Variants in NELL1 observed in about 807,000 individuals in gnomAD.
NELL1 encodes the protein protein kinase C-binding protein NELL1.
NELL1 carries 76 observed loss-of-function variants against 107.4 expected under a neutral mutation model. The ratio of observed to expected loss-of-function variants is 0.71; its 90% CI spans 0.59 to 0.86. NELL1 has a LOEUF of 0.86. Ranked by LOEUF, NELL1 falls within the 40% of genes least tolerant of loss-of-function variation. NELL1 has a pLI of 0.00. For missense variants in NELL1, 1,024 were observed against 1,005.5 expected, an observed-to-expected ratio of 1.02 and a Z score of -0.25; for synonymous variants, 353 against 341.2, an observed-to-expected ratio of 1.03 and a Z score of -0.38.
At chr11:20,779,737 C>T (rs1444081378) in intron 2 of NELL1, among the ~76,000 whole-genome samples, 1 of 152,200 alleles carries the variant, frequency 6.6e-6, no homozygotes, top group Non-Finnish European at 1.5e-5. Context: ...AATTTGCTCT[C>T]AGTGCTCTCT....
chr11:20,848,294 A>G (rs1380613363), intron 4 of NELL1, among the ~76,000 whole-genome samples: 1 of 152,240 alleles, frequency 6.6e-6, no homozygotes, highest in South Asian at 2.1e-4. Flanking sequence ...CAGAGGAATG[A>G]GCCTTCCAGC....
At chr11:21,478,844 A>AG (rs1380665731) in intron 15 of NELL1, among the ~76,000 whole-genome samples, 1 of 151,666 alleles carries the variant, frequency 6.6e-6, no homozygotes, top group African/African-American at 2.4e-5. Flanking sequence ...CCTATAAGAA[A>AG]AAAAAAAACT....
At chr11:21,489,950 A>C (rs902883605) in intron 15 of NELL1, among the ~76,000 whole-genome samples, 1 of 152,052 alleles carries the variant, frequency 6.6e-6, no homozygotes, top group Non-Finnish European at 1.5e-5. Flanking sequence ...CCTCAGCAAA[A>C]CAATCAGACA....
chr11:20,825,397 T>A (rs431711), intron 3 of NELL1, among the ~76,000 whole-genome samples: 134,652 of 151,020 alleles, frequency 0.89, 60,600 homozygotes, highest in East Asian at 0.95. Context: ...ACTCAATGCC[T>A]GCCCATTAAA....
At position 20,726,081 on chromosome 11, in the gene NELL1, C is replaced by CT. The variant is rs201848955; in HGVS notation, c.184+48027dup. Among the ~76,000 whole-genome samples the CT allele has an allele frequency of 8.3e-3, 1,269 of 152,274 alleles. 14 individuals carry two copies. Among genetic ancestry groups the CT allele is most frequent in the African/African-American group, 0.028 (1,183 of 41,546 alleles). Reference sequence around the variant, plus strand: ...TTGCTGCAAAGGACATGATTTCGGTCTTTTTTATGACTGCATAATATTCCA... The same window carrying CT: ...TTGCTGCAAAGGACATGATTTCGGTCTTTTTTTATGACTGCATAATATTCCA... On this transcript the variant is annotated intron_variant, in intron 2 of 19. Coordinates refer to ENST00000357134, the MANE Select transcript of NELL1 (RefSeq NM_006157.5).
chr11:21,423,093 G>A (rs1035686958), intron 15 of NELL1, among the ~76,000 whole-genome samples: 8 of 152,114 alleles, frequency 5.3e-5, no homozygotes, highest in South Asian at 2.1e-4. Context: ...GTGCCCAAGC[G>A]CAGTGGCTCA....
At chr11:20,997,496 A>G (rs1438078642) in intron 12 of NELL1, among the ~76,000 whole-genome samples, 1 of 152,194 alleles carries the variant, frequency 6.6e-6, no homozygotes, top group African/African-American at 2.4e-5. Flanking sequence ...AAATCTGTGG[A>G]ATATGAATAT....
At chr11:21,561,375 A>AT (rs1403176563) in intron 17 of NELL1, among the ~76,000 whole-genome samples, 4 of 151,768 alleles carry the variant, frequency 2.6e-5, no homozygotes, top group South Asian at 4.2e-4. Flanking sequence ...CCCAACACCT[A>AT]TTTTTTCCCC....
At chr11:20,860,291 A>G (rs1009444363) in intron 4 of NELL1, among the ~76,000 whole-genome samples, 5 of 152,164 alleles carry the variant, frequency 3.3e-5, no homozygotes, top group Non-Finnish European at 5.9e-5. Context: ...ATGGGCTGTA[A>G]GCACCCTATG....
At chr11:21,434,373 T>C (rs1413644486) in intron 15 of NELL1, among the ~76,000 whole-genome samples, 1 of 152,172 alleles carries the variant, frequency 6.6e-6, no homozygotes, top group African/African-American at 2.4e-5. Flanking sequence ...TTGCATATGG[T>C]GAGATATGGG....
intron 12 of NELL1, among the ~76,000 whole-genome samples, chr11:21,102,859 A>G (rs1226502183): frequency 1.3e-5 from 2 of 152,192 alleles, no homozygotes; most frequent in African/African-American, 2.4e-5. Context: ...CACATTGCAT[A>G]GGAGTCTGGA....
intron 2 of NELL1, among the ~76,000 whole-genome samples, chr11:20,766,069 T>A (rs1252730534): frequency 6.6e-6 from 1 of 152,196 alleles, no homozygotes; most frequent in Non-Finnish European, 1.5e-5. Flanking sequence ...GACACAAGTA[T>A]GTACCAGGAG....
chr11:21,086,637 A>G (rs1854398137), intron 12 of NELL1, among the ~76,000 whole-genome samples: 1 of 152,122 alleles, frequency 6.6e-6, no homozygotes. Flanking sequence ...TTGATCCTAG[A>G]AGCTTTCATT....
intron 13 of NELL1, among the ~76,000 whole-genome samples, chr11:21,185,443 C>T (rs1670623): frequency 0.6 from 91,006 of 150,834 alleles, 30,294 homozygotes; most frequent in Non-Finnish European, 0.74. Flanking sequence ...TACAGGTGCC[C>T]GCCACCACAC....
At chr11:21,407,267 T>C (rs1852258918) in intron 15 of NELL1, among the ~76,000 whole-genome samples, 1 of 151,822 alleles carries the variant, frequency 6.6e-6, no homozygotes, top group South Asian at 2.1e-4. Flanking sequence ...AATACCAAAG[T>C]TAGCCAGGCA....
chr11:21,065,368 T>C lies in NELL1; in HGVS notation c.1301-48221T>C, dbSNP rs376591806. Among the ~76,000 whole-genome samples, 27 of 152,302 alleles carry C rather than the reference T, an allele frequency of 1.8e-4. No homozygotes were observed. The South Asian group carries it at 5.4e-3, about 30-fold the overall frequency. Reference sequence around the variant, plus strand: ...TACCTTCTGTTTCTTGTACAACTTATCTTGAACTTGCTAGAATGATTGGAT... The same window carrying C: ...TACCTTCTGTTTCTTGTACAACTTACCTTGAACTTGCTAGAATGATTGGAT... On this transcript the variant is annotated intron_variant, in intron 12 of 19. Transcript: ENST00000357134.
At chr11:21,493,186 A>G (rs547794991) in intron 15 of NELL1, among the ~76,000 whole-genome samples, 1 of 152,258 alleles carries the variant, frequency 6.6e-6, no homozygotes, top group East Asian at 1.9e-4. Context: ...ACTTTCCTCA[A>G]AAACCTAAAA....
At chr11:21,027,430 A>T (rs1256880589) in intron 12 of NELL1, among the ~76,000 whole-genome samples, 1 of 152,104 alleles carries the variant, frequency 6.6e-6, no homozygotes, top group Non-Finnish European at 1.5e-5. Context: ...AGTGATTATT[A>T]ACAAAGGTAA....
chr11:21,261,161 T>A (rs1848522583), intron 14 of NELL1, among the ~76,000 whole-genome samples: 1 of 151,724 alleles, frequency 6.6e-6, no homozygotes, highest in East Asian at 1.9e-4. Context: ...CCAGTATAGA[T>A]AATTTGGGTG....
Sources: allele counts gnomAD v4.1 joint callset (sites outside exome capture counted in the v4.1 genomes callset), GRCh38; gene constraint gnomAD v4.1.1; transcripts MANE v1.5; gene names NCBI Gene and HGNC (gene_info 2026-07-23, HGNC 2026-07-21).